The following PDE4D variants were observed in gnomAD, a reference collection of about 807,000 sequenced individuals.
PDE4D encodes 3',5'-cyclic-AMP phosphodiesterase 4D.
In PDE4D, 24 loss-of-function variants were observed where a neutral mutation model predicts 87.4. That is an observed-to-expected ratio of 0.27 (90% confidence interval 0.20 to 0.39). The LOEUF (loss-of-function observed/expected upper bound fraction) is 0.39. PDE4D is among the 10% of genes least tolerant of loss of function. PDE4D has a pLI of 1.00. For synonymous variants in PDE4D, 384 were observed against 383.2 expected, an observed-to-expected ratio of 1.00 and a Z score of -0.02; for missense variants, 714 against 1,041.0, an observed-to-expected ratio of 0.69 and a Z score of 4.32.
intron 1 of PDE4D, among the ~76,000 whole-genome samples, chr5:60,276,711 T>C (rs1475170414): frequency 6.6e-6 from 1 of 152,164 alleles, no homozygotes; most frequent in Non-Finnish European, 1.5e-5. Context: ...TGGGGGTTGT[T>C]TAATTTGCGA....
chr5:60,049,919 G>C (rs1352375385), intron 2 of PDE4D, among the ~76,000 whole-genome samples: 1 of 152,210 alleles, frequency 6.6e-6, no homozygotes, highest in Non-Finnish European at 1.5e-5. Context: ...TGGCTGCTTT[G>C]TTTACGTAAG....
chr5:59,391,208 TAA>T (rs1195401087), intron 1 of PDE4D, among the ~76,000 whole-genome samples: 1 of 152,096 alleles, frequency 6.6e-6, no homozygotes, highest in Non-Finnish European at 1.5e-5. Flanking sequence ...GTGGGAAAGT[TAA>T]AGATGGCCTC....
chr5:60,351,643 T>A (rs1202744100), intron 1 of PDE4D, among the ~76,000 whole-genome samples: 2 of 152,144 alleles, frequency 1.3e-5, no homozygotes, highest in African/African-American at 4.8e-5. Context: ...ACTTTCAGAC[T>A]TCTTTTAACA....
intron 1 of PDE4D, among the ~76,000 whole-genome samples, chr5:59,368,761 G>A (rs1322986937): frequency 1.3e-5 from 2 of 152,176 alleles, no homozygotes; most frequent in Admixed American, 6.5e-5. Context: ...AATTGATTGG[G>A]AAGTGATTAC....
At chr5:59,695,389 C>A (rs546781973) in intron 1 of PDE4D, among the ~76,000 whole-genome samples, 1 of 152,116 alleles carries the variant, frequency 6.6e-6, no homozygotes, top group Admixed American at 6.5e-5. Context: ...CAAATGTCAT[C>A]TCTGTGCATA....
At chr5:60,395,302 GT>G (rs35241782) in intron 1 of PDE4D, among the ~76,000 whole-genome samples, 4,188 of 150,272 alleles carry the variant, frequency 0.028, 71 homozygotes, top group Non-Finnish European at 0.043. Context: ...AAAATGTAAG[GT>G]TTTTTTTTTA....
At chr5:59,439,630 G>A (rs1030842870) in intron 1 of PDE4D, among the ~76,000 whole-genome samples, 3 of 152,154 alleles carry the variant, frequency 2.0e-5, no homozygotes, top group Non-Finnish European at 2.9e-5. Context: ...ATAGGTAAAT[G>A]GACATAGTAA....
chr5:59,377,318 G>A (rs1189875782), intron 1 of PDE4D, among the ~76,000 whole-genome samples: 1 of 151,962 alleles, frequency 6.6e-6, no homozygotes, highest in African/African-American at 2.4e-5. Context: ...TCAGGAGACT[G>A]AGGTAGGAGA....
intron 2 of PDE4D, among the ~76,000 whole-genome samples, chr5:60,004,952 G>A (rs1316543566): frequency 1.3e-5 from 2 of 152,220 alleles, no homozygotes; most frequent in East Asian, 1.9e-4. Context: ...TAATGTTTGG[G>A]TATATATCCA....
At chr5:59,711,703 C>G (rs567557376) in intron 1 of PDE4D, among the ~76,000 whole-genome samples, 1 of 152,048 alleles carries the variant, frequency 6.6e-6, no homozygotes, top group African/African-American at 2.4e-5. Flanking sequence ...ATTATTCCAG[C>G]GATTTTTAAT....
At chr5:60,472,995 C>T (rs925448385) in intron 1 of PDE4D, among the ~76,000 whole-genome samples, 2 of 151,068 alleles carry the variant, frequency 1.3e-5, no homozygotes, top group Non-Finnish European at 2.9e-5. Flanking sequence ...TTTATTGGGA[C>T]ATAACCCTAT....
chr5:59,326,130 G>A (rs1775603634), intron 1 of PDE4D, among the ~76,000 whole-genome samples: 1 of 152,058 alleles, frequency 6.6e-6, no homozygotes, highest in South Asian at 2.1e-4. Flanking sequence ...GGTGGGAGGA[G>A]GGGGAAGGGA....
chr5:60,275,182 G>T (rs1367869199), intron 1 of PDE4D, among the ~76,000 whole-genome samples: 1 of 152,100 alleles, frequency 6.6e-6, no homozygotes, highest in Non-Finnish European at 1.5e-5. Context: ...TGGGACCCAG[G>T]CATCAGTATA....
chr5:60,272,340 C>T (rs1750903317), intron 1 of PDE4D, among the ~76,000 whole-genome samples: 1 of 152,232 alleles, frequency 6.6e-6, no homozygotes, highest in African/African-American at 2.4e-5. Flanking sequence ...TATACTTATT[C>T]ATTTGCTGTT....
In PDE4D at chr5:60,444,118, C is replaced by T. The variant is rs138343688; in HGVS notation, c.-90+43824G>A. Among the ~76,000 whole-genome samples, 89 of 152,190 alleles carry T rather than the reference C, an allele frequency of 5.8e-4. 1 individual carries two copies. In the East Asian group the frequency reaches 0.014, roughly 24 times the overall value. On this transcript the variant is annotated intron_variant, in intron 1 of 16. Coordinates refer to the PDE4D transcript ENST00000502484. ...ATTTAGAAAAGTATTTGGTGAAAAG[C>T]GCCTTCATTTAAGGATCCTAGAACT...
chr5:59,638,000 A>C (rs1740885210), intron 1 of PDE4D, among the ~76,000 whole-genome samples: 1 of 152,218 alleles, frequency 6.6e-6, no homozygotes, highest in African/African-American at 2.4e-5. Context: ...ATTCTCCACT[A>C]ATCTTTGAGT....
At chr5:59,344,102 A>G (rs759993450) in intron 1 of PDE4D, among the ~76,000 whole-genome samples, 12 of 152,206 alleles carry the variant, frequency 7.9e-5, no homozygotes, top group African/African-American at 1.7e-4. Flanking sequence ...TTAAAAGTAC[A>G]TTATGCCTTC....
At chr5:59,693,389 A>C (rs1156777600) in intron 1 of PDE4D, among the ~76,000 whole-genome samples, 1 of 152,140 alleles carries the variant, frequency 6.6e-6, no homozygotes, top group Non-Finnish European at 1.5e-5. Flanking sequence ...AGTATTATTT[A>C]TAGATCTGAG....
intron 5 of PDE4D, among the ~76,000 whole-genome samples, chr5:59,168,909 A>C (rs1198428639): frequency 2.0e-5 from 3 of 152,184 alleles, no homozygotes; most frequent in African/African-American, 4.8e-5. Context: ...GCATCTATGA[A>C]GCAGGAATAG....
Sources: allele counts gnomAD v4.1 joint callset (sites outside exome capture counted in the v4.1 genomes callset), GRCh38; gene constraint gnomAD v4.1.1; transcripts MANE v1.5; gene names NCBI Gene and HGNC (gene_info 2026-07-23, HGNC 2026-07-21).